Variants in SCRIB observed in about 807,000 individuals in gnomAD.
SCRIB encodes protein scribble homolog.
SCRIB carries 72 observed loss-of-function variants against 170.0 expected under a neutral mutation model. The observed-to-expected ratio is 0.42, with a 90% CI of 0.35 to 0.52. The LOEUF (loss-of-function observed/expected upper bound fraction) is 0.52, where lower values mean the gene tolerates loss of function less well. Ranked by LOEUF, SCRIB falls within the 20% of genes least tolerant of loss-of-function variation. The pLI is 0.02. For missense variants in SCRIB, 2,475 were observed against 2,338.5 expected, an observed-to-expected ratio of 1.06 and a Z score of -1.20; for synonymous variants, 1,298 against 1,044.3, an observed-to-expected ratio of 1.24 and a Z score of -4.68.
rs782722539 is a variant in SCRIB at position 143,805,216 on chromosome 8, G to A, written c.2566C>T (p.Pro856Ser). Residue 856 changes from proline to serine, a missense_variant, in exon 19 of 37, where the codon CCC becomes TCC. Physicochemically the swap from Pro to Ser is moderately conservative, Grantham distance 74. Around this residue, in one of 3 missense-constraint regions of SCRIB, gnomAD observed 1,966 missense variants for 1,742.9 expected, o/e 1.13. Coordinates refer to ENST00000356994, the MANE Select transcript of SCRIB (RefSeq NM_182706.5). Reference protein sequence around the residue: ...LPLLPPESPGPLRQRHVACLA... With the variant: ...LPLLPPESPGSLRQRHVACLA... ...CAGGCCACGTGGCGCTGACGGAGGG[G>A]CCCGGGGCTCTCAGGCGGGAGCAGG... 3.2e-6 allele frequency: 5 copies of A among 1,560,964 alleles called. No homozygotes were observed. The highest frequency in any genetic ancestry group is 3.5e-6 in the Non-Finnish European group (4 of 1,157,932).
chr8:143,814,745 C>T (rs762551894), intron 1 of SCRIB: 9 of 167,948 alleles, frequency 5.4e-5, no homozygotes, highest in South Asian at 1.9e-4. Context: ...TAGGAGAGCA[C>T]CTGACCACGA....
intron 8 of SCRIB, 50 bp from the exon 9 acceptor site, chr8:143,812,434 G>A (rs775129112): frequency 7.1e-7 from 1 of 1,404,758 alleles, no homozygotes; most frequent in South Asian, 1.2e-5. Context: ...CCCCAGACGT[G>A]CCTTACCCAC....
At chr8:143,815,145 G>C (rs1816013088) in intron 1 of SCRIB, 69 bp downstream of exon 1, 1 of 1,431,690 alleles carries the variant, frequency 7.0e-7, no homozygotes, top group South Asian at 1.4e-5. Flanking sequence ...CGCCCGGGCA[G>C]ATTCTGCCGC....
In SCRIB at chr8:143,809,603, T is replaced by G. The variant is rs781714618; in HGVS notation, c.1646A>C (p.Gln549Pro). The change falls in exon 14 of 37, where the codon CAG (glutamine) becomes CCG (proline). Residue 549 changes from glutamine (Q) to proline (P), a missense_variant. Gln to Pro is a moderately conservative substitution (Grantham distance 76, BLOSUM62 -1). This residue lies in a region of SCRIB where 1,966 missense variants were observed against 1,742.9 expected (regional missense o/e 1.13). Coordinates refer to ENST00000356994, the MANE Select transcript of SCRIB (RefSeq NM_182706.5). Reference protein sequence around the residue: ...PSAEAQGGSQQEATTAGGEED... With the variant: ...PSAEAQGGSQPEATTAGGEED... ...CTCCCCGCCAGCAGTCGTGGCTTCC[T>G]GCTGGCTCCCACCCTGTGCCTCAGC... 5 of 1,611,402 alleles carry G rather than the reference T, an allele frequency of 3.1e-6. No individual in the cohort carries two copies. In the African/African-American group the frequency reaches 5.3e-5, roughly 17 times the overall value.
intron 24 of SCRIB, among the ~76,000 whole-genome samples, chr8:143,795,883 G>GT (rs1814923351): frequency 6.6e-6 from 1 of 152,186 alleles, no homozygotes; most frequent in African/African-American, 2.4e-5. Flanking sequence ...AAGGAGGGGC[G>GT]TGAGTAGCAG....
At chr8:143,791,503 G>C (rs373434132) in intron 35 of SCRIB, 63 bp from the exon 36 acceptor site, 21 of 1,595,068 alleles carry the variant, frequency 1.3e-5, no homozygotes, top group Non-Finnish European at 1.8e-5. Flanking sequence ...CCAGGTGGAC[G>C]GGTGGGCTCC....
chr8:143,808,849 A>G lies in SCRIB; in HGVS notation c.1875T>C (p.Val625=), dbSNP rs771994279. The G allele has an allele frequency of 4.9e-5, 79 of 1,610,836 alleles. No individual in the cohort carries two copies. The Middle Eastern group carries it at 6.6e-4, about 13-fold the overall frequency. Residue 625 remains valine (V), a synonymous_variant, in exon 15 of 37, where the codon GTT becomes GTC. Transcript: ENST00000356994. ...GCTGCATGCCCTGCAGCAGAGCCACAACGGCCTCGGGCTGGGGCAGCTTGG... is the reference window on the plus strand; with the variant it reads ...GCTGCATGCCCTGCAGCAGAGCCACGACGGCCTCGGGCTGGGGCAGCTTGG... ...KISKLPQPEA[V]VALLQGMQPD...
At chr8:143,807,329 C>G (rs1050438165) in intron 16 of SCRIB, among the ~76,000 whole-genome samples, 4 of 152,214 alleles carry the variant, frequency 2.6e-5, no homozygotes, top group Non-Finnish European at 5.9e-5. Flanking sequence ...GCTCAGAGCA[C>G]CACAGGCGGC....
intron 35 of SCRIB, 71 bp downstream of exon 35, chr8:143,791,595 G>C: frequency 6.6e-7 from 1 of 1,520,846 alleles, no homozygotes; most frequent in Non-Finnish European, 9.1e-7. Flanking sequence ...GGGAGGCCCT[G>C]CGGGAGCGGA....
rs1047116964 is a variant in SCRIB at position 143,804,807 on chromosome 8, T to C, written c.2770A>G (p.Thr924Ala). The change falls in exon 21 of 37, where the codon ACT (threonine) becomes GCT (alanine). Residue 924 changes from threonine to alanine, a missense_variant. By Grantham distance (58) the Thr-to-Ala change is moderately conservative. Transcript: ENST00000356994. The stretch of plus-strand genomic sequence containing the variant: ...ACGGCGTGGTCATGCCTGGCCTCAG[T>C]CACGTCCACTCCATTAATCTGTGAG... ...RVLSINGVDV[T>A]EARHDHAVSL... The C allele has an allele frequency of 6.3e-7, 1 of 1,591,418 alleles. No homozygotes were observed. The highest frequency in any genetic ancestry group is 1.7e-5 in the Admixed American group (1 of 57,460).
Position 143,791,044 on chromosome 8 carries a change from G to A in SCRIB, c.*119C>T. Reference sequence around the variant, plus strand: ...GGGTGGGGCAGTTAGTTAGTCACAGGCCAGAACTCCTGTGGGGTCTCTTTA... The same window carrying A: ...GGGTGGGGCAGTTAGTTAGTCACAGACCAGAACTCCTGTGGGGTCTCTTTA... On this transcript the variant is annotated 3_prime_UTR_variant, in exon 37 of 37. Transcript: ENST00000356994. 1 of 1,131,922 alleles carries A rather than the reference G, an allele frequency of 8.8e-7. No individual in the cohort carries two copies. Among genetic ancestry groups the A allele is most frequent in the Non-Finnish European group, 1.1e-6 (1 of 878,958 alleles). The allele number at this position is 1,131,922 out of a possible 1,614,324, so 70.1% of individuals were successfully genotyped here.
At chr8:143,796,373 C>G (rs970591302) in intron 24 of SCRIB, among the ~76,000 whole-genome samples, 1 of 152,176 alleles carries the variant, frequency 6.6e-6, no homozygotes, top group Non-Finnish European at 1.5e-5. Flanking sequence ...TCGAGGAGCT[C>G]TCAGTGTGGC....
At chr8:143,815,049 G>A in intron 1 of SCRIB, 165 bp downstream of exon 1, 2 of 772,460 alleles carry the variant, frequency 2.6e-6, no homozygotes, top group Non-Finnish European at 3.8e-6. Flanking sequence ...CGCCAGCCAG[G>A]GCGGCTGGAA....
Position 143,791,726 on chromosome 8 carries a change from C to T in SCRIB, c.4710G>A (p.Lys1570=), listed in dbSNP as rs782020257. ...TSPGRLPLSG[K]KFDYRAFAAL... ...CCGCAAAGGCCCTGTAGTCAAACTT[C>T]TTTCCAGACAAGGGCTTGAAAGGAC... The change falls in exon 35 of 37, where the codon AAG becomes AAA. Residue 1570 remains lysine, a synonymous_variant. Coordinates refer to ENST00000356994, the MANE Select transcript of SCRIB (RefSeq NM_182706.5). 1.3e-6 allele frequency: 2 copies of T among 1,599,516 alleles called. No individual in the cohort carries two copies. The highest frequency in any genetic ancestry group is 1.1e-5 in the South Asian group (1 of 90,842).
At chr8:143,814,503 C>G (rs1214728049) in intron 1 of SCRIB, among the ~76,000 whole-genome samples, 5 of 152,170 alleles carry the variant, frequency 3.3e-5, no homozygotes, top group Non-Finnish European at 5.9e-5. Context: ...TGGCCTGGTT[C>G]TGCAGCAAGA....
chr8:143,813,929 T>C (rs1487626605), intron 2 of SCRIB, 33 bp from the exon 3 acceptor site: 4 of 1,600,790 alleles, frequency 2.5e-6, no homozygotes, highest in East Asian at 2.2e-5. Flanking sequence ...ACAGATGCCA[T>C]GGCCTGCAGG....
At chr8:143,812,178 C>A (rs1210368688) in intron 9 of SCRIB, 88 bp downstream of exon 9, 2 of 889,430 alleles carry the variant, frequency 2.2e-6, no homozygotes, top group Admixed American at 3.4e-5. Context: ...CCACCAGCAC[C>A]CCCCAGCAGC....
Position 143,808,888 on chromosome 8 carries a change from C to G in SCRIB, c.1836G>C (p.Lys612Asn). ...GGGGCAGCTTGGAGATCTTGAAGTGCTTTTTGTAGTGAGGTGTGTCCTTGC... is the reference window on the plus strand; with the variant it reads ...GGGGCAGCTTGGAGATCTTGAAGTGGTTTTTGTAGTGAGGTGTGTCCTTGC... ...LIRKDTPHYK[K>N]HFKISKLPQP... Residue 612 changes from lysine to asparagine, a missense_variant, in exon 15 of 37, where the codon AAG (lysine) becomes AAC (asparagine). Transcript: ENST00000356994. 1 of 1,609,946 alleles carries G rather than the reference C, an allele frequency of 6.2e-7. No homozygotes were observed. Among genetic ancestry groups the G allele is most frequent in the South Asian group, 1.1e-5 (1 of 91,086 alleles).
intron 29 of SCRIB, 26 bp downstream of exon 29, chr8:143,792,950 C>A: frequency 1.3e-6 from 2 of 1,502,464 alleles, no homozygotes; most frequent in Admixed American, 2.4e-5. Flanking sequence ...CCACGCGCAG[C>A]AGGGAGGCGT....
Sources: allele counts gnomAD v4.1 joint callset (sites outside exome capture counted in the v4.1 genomes callset), GRCh38; gene constraint gnomAD v4.1.1; regional missense constraint gnomAD v4.1.1; transcripts MANE v1.5; gene names NCBI Gene and HGNC (gene_info 2026-07-23, HGNC 2026-07-21).